The following UBL4B variants were observed in gnomAD, a reference collection of about 807,000 sequenced individuals.
The protein encoded by UBL4B is ubiquitin like 4B, also known as ubiquitin-like protein 4B.
For synonymous variants in UBL4B, 94 were observed against 92.8 expected (o/e 1.01, Z -0.08); for missense variants, 194 against 209.9 (o/e 0.92, Z 0.47).
rs1654827179 is a variant in UBL4B at position 110,112,816 on chromosome 1, G to A, written c.282G>A (p.Leu94=). The part of the protein sequence containing the change: ...QPQTQPLWHQ[L]GLVLAKHFEP... ...AGACCCAGCCCCTGTGGCACCAGCT[G>A]GGACTGGTCCTAGCTAAACACTTTG... Residue 94 remains leucine (L), a synonymous_variant, in exon 1 of 1, where the codon CTG becomes CTA. Coordinates refer to ENST00000334179, the MANE Select transcript of UBL4B (RefSeq NM_203412.2). The A allele has an allele frequency of 6.2e-7, 1 of 1,613,898 alleles. No homozygotes were observed.
chr1:110,112,658 C>G lies in UBL4B; in HGVS notation c.124C>G (p.His42Asp). 1.9e-6 allele frequency: 3 copies of G among 1,614,178 alleles called. No homozygotes were observed. ...RRLKVPEEQQ[H>D]LLFRGQLLED... ...GCTGAAGGTGCCTGAGGAGCAGCAGCACCTGCTTTTCCGTGGCCAGCTCCT... is the reference window on the plus strand; with the variant it reads ...GCTGAAGGTGCCTGAGGAGCAGCAGGACCTGCTTTTCCGTGGCCAGCTCCT... Residue 42 changes from histidine (H) to aspartate (D), a missense_variant, in exon 1 of 1, where the codon CAC becomes GAC. Physicochemically the swap from His to Asp is moderately conservative, Grantham distance 81 (BLOSUM62 -1). Coordinates refer to ENST00000334179, the MANE Select transcript of UBL4B (RefSeq NM_203412.2).
chr1:110,112,759 G>GCGCATC lies in UBL4B; in HGVS notation c.225_226insCGCATC (p.Glu75_Lys76insArgIle). On this transcript the variant is annotated inframe_insertion, in exon 1 of 1. Transcript: ENST00000334179. ...TCAATGTCATCATGCAGCCCTTGGAGAAGATGGCGCTAAAGGAGGCCCACC... is the reference window on the plus strand; with the variant it reads ...TCAATGTCATCATGCAGCCCTTGGAGCGCATCAAGATGGCGCTAAAGGAGGCCCACC... 6.2e-7 allele frequency: 1 copy of GCGCATC among 1,613,974 alleles called. No individual in the cohort carries two copies. Among genetic ancestry groups the GCGCATC allele is most frequent in the Non-Finnish European group, 8.5e-7 (1 of 1,180,042 alleles).
chr1:110,112,808 C>CA lies in UBL4B; in HGVS notation c.275dup (p.His92GlnfsTer9), dbSNP rs780371591. The CA allele has an allele frequency of 1.5e-5, 24 of 1,613,922 alleles. No individual in the cohort carries two copies. In the East Asian group the frequency reaches 1.6e-4, roughly 10 times the overall value. ...CCAGCCGCAGACCCAGCCCCTGTGG[C>CA]ACCAGCTGGGACTGGTCCTAGCTAA... On this transcript the variant is annotated frameshift_variant, in exon 1 of 1. Coordinates refer to ENST00000334179, the MANE Select transcript of UBL4B (RefSeq NM_203412.2). LOFTEE classifies it low-confidence loss of function (END_TRUNC).
chr1:110,113,444 C>A lies in UBL4B; in HGVS notation c.*385C>A, dbSNP rs546194630. 267 of 199,782 alleles carry A rather than the reference C, an allele frequency of 1.3e-3. No individual in the cohort carries two copies. The highest frequency in any genetic ancestry group is 4.8e-3 in the Middle Eastern group (2 of 420). 12.4% of individuals were successfully genotyped at this position (199,782 alleles called of 1,614,324 possible). ...CTCTTTCTCCTTCGGGACAGAAAGA[C>A]AATGTGAGTTCATTTTCCTCCATCC... On this transcript the variant is annotated 3_prime_UTR_variant, in exon 1 of 1. Transcript: ENST00000334179.
rs574939280 is a variant in UBL4B, at chr1:110,113,122, G to A, written c.*63G>A. 1.7e-5 allele frequency: 26 copies of A among 1,488,652 alleles called. No homozygotes were observed. The highest frequency in any genetic ancestry group is 2.1e-5 in the Non-Finnish European group (23 of 1,120,096). The allele number at this position is 1,488,652 out of a possible 1,614,324, so 92.2% of individuals were successfully genotyped here. A position where few individuals can be genotyped will look rare whatever the true frequency, so the allele number is the denominator to read the frequency against. ...CGGCCTCATCCTTACGTGTTCCCTG[G>A]TGACTTTTCCTACTACTTCCTGCTG... On this transcript the variant is annotated 3_prime_UTR_variant, in exon 1 of 1. Transcript: ENST00000334179.
Position 110,113,000 on chromosome 1 carries a change from G to T in UBL4B, c.466G>T (p.Ala156Ser), listed in dbSNP as rs557636448. 1.2e-6 allele frequency: 2 copies of T among 1,606,756 alleles called. No homozygotes were observed. The highest frequency in any genetic ancestry group is 1.7e-6 in the Non-Finnish European group (2 of 1,177,154). Residue 156 changes from alanine to serine, a missense_variant, in exon 1 of 1, where the codon GCA becomes TCA. By Grantham distance (99) the Ala-to-Ser change is moderately conservative (BLOSUM62 1). Transcript: ENST00000334179. Reference protein sequence around the residue: ...PAGERELEAKARPQSSCDMEE... With the variant: ...PAGERELEAKSRPQSSCDMEE... Reference sequence around the variant, plus strand: ...TGGAGAGAGGGAGCTTGAGGCGAAGGCACGGCCTCAGAGCTCCTGTGACAT... The same window carrying T: ...TGGAGAGAGGGAGCTTGAGGCGAAGTCACGGCCTCAGAGCTCCTGTGACAT...
chr1:110,112,923 T>C lies in UBL4B; in HGVS notation c.389T>C (p.Leu130Pro). ...ERLQKISLEH[L>P]EQLAQYLLAE... ...CTGCAGAAGATAAGCCTGGAGCACC[T>C]GGAGCAGCTGGCCCAGTACCTCCTG... The change falls in exon 1 of 1, where the codon CTG (leucine) becomes CCG (proline). Residue 130 changes from leucine (L) to proline (P), a missense_variant. Transcript: ENST00000334179. 1 of 1,610,406 alleles carries C rather than the reference T, an allele frequency of 6.2e-7. No individual in the cohort carries two copies. Among genetic ancestry groups the C allele is most frequent in the East Asian group, 2.2e-5 (1 of 44,804 alleles).
chr1:110,112,612 GAA>G lies in UBL4B; in HGVS notation c.79_80del (p.Lys27GlufsTer11), dbSNP rs757446434. 9.9e-6 allele frequency: 16 copies of G among 1,614,066 alleles called. No homozygotes were observed. The Admixed American group carries it at 2.7e-4, about 27-fold the overall frequency. ...VSGQESVATL[K>X]RLVSRRLKVP... is the part of the protein sequence containing the mutation. ...CAGGGCAAGAGAGTGTAGCCACGCT[GAA>G]GAGACTGGTGTCCAGGCGGCTGAAG... is the stretch of plus-strand genomic sequence containing the variant. On this transcript the variant is annotated frameshift_variant, in exon 1 of 1. Coordinates refer to ENST00000334179, the MANE Select transcript of UBL4B (RefSeq NM_203412.2). LOFTEE classifies it low-confidence loss of function (END_TRUNC).
chr1:110,112,603 A>G lies in UBL4B; in HGVS notation c.69A>G (p.Val23=), dbSNP rs1490954875. The change falls in exon 1 of 1, where the codon GTA becomes GTG. Residue 23 remains valine (V), a synonymous_variant. Coordinates refer to ENST00000334179, the MANE Select transcript of UBL4B (RefSeq NM_203412.2). The part of the protein sequence containing the change: ...CSLKVSGQES[V]ATLKRLVSRR... The stretch of plus-strand genomic sequence containing the variant: ...TGAAGGTGTCAGGGCAAGAGAGTGT[A>G]GCCACGCTGAAGAGACTGGTGTCCA... 2 of 1,614,140 alleles carry G rather than the reference A, an allele frequency of 1.2e-6. No individual in the cohort carries two copies. The highest frequency in any genetic ancestry group is 3.3e-5 in the Admixed American group (2 of 60,026).
In UBL4B at chr1:110,112,711, C is replaced by T; in HGVS notation, c.177C>T (p.Tyr59=). The change falls in exon 1 of 1, where the codon TAC becomes TAT. Residue 59 remains tyrosine (Y), a synonymous_variant. Coordinates refer to ENST00000334179, the MANE Select transcript of UBL4B (RefSeq NM_203412.2). ...AGGATGACAAGCACCTCTCTGACTA[C>T]TGCATTGGGCCCAATGCCTCTATCA... ...LLEDDKHLSD[Y]CIGPNASINV... 6.2e-7 allele frequency: 1 copy of T among 1,614,132 alleles called. No homozygotes were observed. The highest frequency in any genetic ancestry group is 8.5e-7 in the Non-Finnish European group (1 of 1,180,052).
chr1:110,113,179 T>C lies in UBL4B; in HGVS notation c.*120T>C. 1.4e-6 allele frequency: 2 copies of C among 1,384,238 alleles called. No homozygotes were observed. Among genetic ancestry groups the C allele is most frequent in the Non-Finnish European group, 1.9e-6 (2 of 1,041,500 alleles). The allele number at this position is 1,384,238 out of a possible 1,614,324, so 85.7% of individuals were successfully genotyped here. On this transcript the variant is annotated 3_prime_UTR_variant, in exon 1 of 1. Transcript: ENST00000334179. ...ATGCGTCCACACCCCTTTTTGAACC[T>C]TCCAAGCAGCTGGAGGGTTTTTGGA...
rs765117430 is a variant in UBL4B, at chr1:110,112,726, T to A, written c.192T>A (p.Asn64Lys). ...KHLSDYCIGP[N>K]ASINVIMQPL... ...TCTCTGACTACTGCATTGGGCCCAATGCCTCTATCAATGTCATCATGCAGC... is the reference window on the plus strand; with the variant it reads ...TCTCTGACTACTGCATTGGGCCCAAAGCCTCTATCAATGTCATCATGCAGC... The change falls in exon 1 of 1, where the codon AAT (asparagine) becomes AAA (lysine). Residue 64 changes from asparagine to lysine, a missense_variant. Asn to Lys is a moderately conservative substitution (Grantham distance 94, BLOSUM62 0). Coordinates refer to ENST00000334179, the MANE Select transcript of UBL4B (RefSeq NM_203412.2). The A allele has an allele frequency of 2.5e-6, 4 of 1,613,962 alleles. No homozygotes were observed. The African/African-American group carries it at 5.3e-5, about 22-fold the overall frequency.
rs1003629321 is a variant in UBL4B at position 110,113,149 on chromosome 1, T to A, written c.*90T>A. On this transcript the variant is annotated 3_prime_UTR_variant, in exon 1 of 1. Coordinates refer to ENST00000334179, the MANE Select transcript of UBL4B (RefSeq NM_203412.2). ...GACTTTTCCTACTACTTCCTGCTGA[T>A]GTGGATGCGTCCACACCCCTTTTTG... 6.9e-7 allele frequency: 1 copy of A among 1,456,842 alleles called. No homozygotes were observed. The highest frequency in any genetic ancestry group is 2.4e-5 in the East Asian group (1 of 40,822). The allele number at this position is 1,456,842 out of a possible 1,614,324, so 90.2% of individuals were successfully genotyped here.
Position 110,112,552 on chromosome 1 carries a change from G to A in UBL4B, c.18G>A (p.Lys6=), listed in dbSNP as rs1394644776. 17 of 1,610,392 alleles carry A rather than the reference G, an allele frequency of 1.1e-5. No individual in the cohort carries two copies. Among genetic ancestry groups the A allele is most frequent in the Non-Finnish European group, 1.3e-5 (15 of 1,178,014 alleles). Residue 6 remains lysine (K), a synonymous_variant, in exon 1 of 1, where the codon AAG becomes AAA. Coordinates refer to ENST00000334179, the MANE Select transcript of UBL4B (RefSeq NM_203412.2). MFLTV[K]LLLGQRCSLK... Reference sequence around the variant, plus strand: ...TCAGCCCGATGTTCCTCACAGTCAAGCTGCTCCTGGGCCAGAGATGCAGTC... The same window carrying A: ...TCAGCCCGATGTTCCTCACAGTCAAACTGCTCCTGGGCCAGAGATGCAGTC...
rs778391116 is a variant in UBL4B, at chr1:110,112,548, T to C, written c.14T>C (p.Val5Ala). 8 of 1,609,274 alleles carry C rather than the reference T, an allele frequency of 5.0e-6. No individual in the cohort carries two copies. The highest frequency in any genetic ancestry group is 1.9e-4 in the Middle Eastern group (1 of 5,292). The change falls in exon 1 of 1, where the codon GTC becomes GCC. Residue 5 changes from valine (V) to alanine (A), a missense_variant. Physicochemically the swap from Val to Ala is moderately conservative, Grantham distance 64. Transcript: ENST00000334179. MFLTVKLLLGQRCSL... is the reference protein window; with the variant it reads MFLTAKLLLGQRCSL... Reference sequence around the variant, plus strand: ...CCACTCAGCCCGATGTTCCTCACAGTCAAGCTGCTCCTGGGCCAGAGATGC... The same window carrying C: ...CCACTCAGCCCGATGTTCCTCACAGCCAAGCTGCTCCTGGGCCAGAGATGC...
Position 110,112,635 on chromosome 1 carries a change from T to C in UBL4B, c.101T>C (p.Leu34Pro). 6.2e-7 allele frequency: 1 copy of C among 1,614,190 alleles called. No individual in the cohort carries two copies. The highest frequency in any genetic ancestry group is 8.5e-7 in the Non-Finnish European group (1 of 1,180,050). Reference sequence around the variant, plus strand: ...CTGAAGAGACTGGTGTCCAGGCGGCTGAAGGTGCCTGAGGAGCAGCAGCAC... The same window carrying C: ...CTGAAGAGACTGGTGTCCAGGCGGCCGAAGGTGCCTGAGGAGCAGCAGCAC... ...ATLKRLVSRR[L>P]KVPEEQQHLL... is the part of the protein sequence containing the mutation. Residue 34 changes from leucine to proline, a missense_variant, in exon 1 of 1, where the codon CTG (leucine) becomes CCG (proline). Transcript: ENST00000334179.
At position 110,113,130 on chromosome 1, in the gene UBL4B, T is replaced by C; in HGVS notation, c.*71T>C. 1 of 1,476,066 alleles carries C rather than the reference T, an allele frequency of 6.8e-7. No homozygotes were observed. Among genetic ancestry groups the C allele is most frequent in the Non-Finnish European group, 9.0e-7 (1 of 1,113,012 alleles). The allele number at this position is 1,476,066 out of a possible 1,614,324, so 91.4% of individuals were successfully genotyped here. A position where few individuals can be genotyped will look rare whatever the true frequency, so the allele number is the denominator to read the frequency against. On this transcript the variant is annotated 3_prime_UTR_variant, in exon 1 of 1. Coordinates refer to ENST00000334179, the MANE Select transcript of UBL4B (RefSeq NM_203412.2). Reference sequence around the variant, plus strand: ...TCCTTACGTGTTCCCTGGTGACTTTTCCTACTACTTCCTGCTGATGTGGAT... The same window carrying C: ...TCCTTACGTGTTCCCTGGTGACTTTCCCTACTACTTCCTGCTGATGTGGAT...
chr1:110,113,493 G>A lies in UBL4B; in HGVS notation c.*434G>A, dbSNP rs1474235997. 2 of 175,786 alleles carry A rather than the reference G, an allele frequency of 1.1e-5. No individual in the cohort carries two copies. Among genetic ancestry groups the A allele is most frequent in the Non-Finnish European group, 2.7e-5 (2 of 73,300 alleles). 10.9% of individuals were successfully genotyped at this position (175,786 alleles called of 1,614,324 possible). A position where few individuals can be genotyped will look rare whatever the true frequency, so the allele number is the denominator to read the frequency against. On this transcript the variant is annotated 3_prime_UTR_variant, in exon 1 of 1. Transcript: ENST00000334179. Reference sequence around the variant, plus strand: ...CCTCAGACCGTGACATCTCCCCTAGGCTCCCCAGCAGCCAAGAGGAGAGGA... The same window carrying A: ...CCTCAGACCGTGACATCTCCCCTAGACTCCCCAGCAGCCAAGAGGAGAGGA...
Position 110,113,317 on chromosome 1 carries a change from C to T in UBL4B, c.*258C>T, listed in dbSNP as rs78670226. The T allele has an allele frequency of 1.0e-4, 53 of 506,652 alleles. 2 individuals carry two copies. The highest frequency in any genetic ancestry group is 9.8e-4 in the African/African-American group (51 of 51,804). The allele number at this position is 506,652 out of a possible 1,614,324, so 31.4% of individuals were successfully genotyped here. A position where few individuals can be genotyped will look rare whatever the true frequency, so the allele number is the denominator to read the frequency against. On this transcript the variant is annotated 3_prime_UTR_variant, in exon 1 of 1. Coordinates refer to ENST00000334179, the MANE Select transcript of UBL4B (RefSeq NM_203412.2). ...GATCACCGGAGGGCAGCCCCAAAGG[C>T]CACAGTCCCCTCCTGTGCTGGCAGC...
Sources: gnomAD v4.1 joint callset for allele counts on GRCh38, gnomAD v4.1.1 for gene constraint, MANE v1.5 for transcripts, NCBI Gene and HGNC (gene_info 2026-07-23, HGNC 2026-07-21) for gene names.